DOCK3: variants seen among roughly 807,000 people sequenced by gnomAD.
DOCK3 encodes dedicator of cytokinesis 3.
In DOCK3, 60 loss-of-function variants were observed where a neutral mutation model predicts 265.6. The ratio of observed to expected loss-of-function variants is 0.23; its 90% CI spans 0.18 to 0.28. The LOEUF (loss-of-function observed/expected upper bound fraction) is 0.28, where lower values mean the gene tolerates loss of function less well. Among genes scored for constraint, DOCK3 ranks in the 10% least tolerant of loss-of-function variants. DOCK3 has a pLI of 1.00. For synonymous variants in DOCK3, 881 were observed against 938.0 expected, an observed-to-expected ratio of 0.94 and a Z score of 1.11; for missense variants, 1,981 against 2,594.3, an observed-to-expected ratio of 0.76 and a Z score of 5.14.
At chr3:50,913,572 G>C (rs1380275803) in intron 4 of DOCK3, among the ~76,000 whole-genome samples, 1 of 151,982 alleles carries the variant, frequency 6.6e-6, no homozygotes, top group Non-Finnish European at 1.5e-5. Flanking sequence ...GATTATTTAG[G>C]ACCCCAGAGC....
chr3:50,942,660 C>G (rs1363013596), intron 5 of DOCK3, among the ~76,000 whole-genome samples: 1 of 151,938 alleles, frequency 6.6e-6, no homozygotes, highest in Non-Finnish European at 1.5e-5. Context: ...TAACTGATTA[C>G]TCTAAAGTCA....
chr3:50,698,096 T>C (rs1327905270), intron 1 of DOCK3, among the ~76,000 whole-genome samples: 1 of 152,124 alleles, frequency 6.6e-6, no homozygotes, highest in Non-Finnish European at 1.5e-5. Flanking sequence ...ATTTGTAGAG[T>C]TGTGCCTCCA....
chr3:50,817,312 C>G (rs537829415), intron 2 of DOCK3, among the ~76,000 whole-genome samples: 1 of 152,278 alleles, frequency 6.6e-6, no homozygotes, highest in African/African-American at 2.4e-5. Context: ...AGGTTTTAGC[C>G]TTATTTTACC....
intron 5 of DOCK3, among the ~76,000 whole-genome samples, chr3:50,961,194 C>T (rs2076876218): frequency 6.6e-6 from 1 of 152,014 alleles, no homozygotes; most frequent in African/African-American, 2.4e-5. Flanking sequence ...TATTTTGGGT[C>T]CTTTACATTT....
chr3:50,739,663 A>G (rs2038886804), intron 1 of DOCK3, among the ~76,000 whole-genome samples: 2 of 152,116 alleles, frequency 1.3e-5, no homozygotes, highest in South Asian at 4.1e-4. Context: ...ACCCATTTAT[A>G]TGCATCTCCT....
At chr3:51,218,250 A>G (rs900138194) in intron 14 of DOCK3, among the ~76,000 whole-genome samples, 8 of 152,162 alleles carry the variant, frequency 5.3e-5, no homozygotes, top group Non-Finnish European at 1.0e-4. Flanking sequence ...CCTGGCCAAT[A>G]TGGTGAGACC....
intron 5 of DOCK3, among the ~76,000 whole-genome samples, chr3:51,017,374 C>G (rs2079391693): frequency 6.6e-6 from 1 of 151,078 alleles, no homozygotes; most frequent in Admixed American, 6.6e-5. Flanking sequence ...CTACTGTGAT[C>G]TTTATTATTT....
intron 9 of DOCK3, among the ~76,000 whole-genome samples, chr3:51,093,302 C>T (rs1184058350): frequency 6.6e-6 from 1 of 151,984 alleles, no homozygotes; most frequent in Non-Finnish European, 1.5e-5. Flanking sequence ...TGATTCTTCC[C>T]ATCCATGAGC....
intron 5 of DOCK3, among the ~76,000 whole-genome samples, chr3:50,994,068 T>C (rs1032779337): frequency 5.3e-5 from 8 of 152,162 alleles, no homozygotes; most frequent in Non-Finnish European, 7.4e-5. Flanking sequence ...ATACATCTGC[T>C]TCCGTAGCAT....
At chr3:51,297,799 T>G (rs2082174752) in intron 27 of DOCK3, among the ~76,000 whole-genome samples, 1 of 151,094 alleles carries the variant, frequency 6.6e-6, no homozygotes, top group Non-Finnish European at 1.5e-5. Context: ...TAATAATTTT[T>G]TTTTAATTAG....
intron 3 of DOCK3, among the ~76,000 whole-genome samples, chr3:50,851,546 T>C (rs2046359932): frequency 6.6e-6 from 1 of 152,168 alleles, no homozygotes. Context: ...ATGCCCCATA[T>C]GCCTGAATTT....
intron 5 of DOCK3, among the ~76,000 whole-genome samples, chr3:51,048,791 A>G (rs1181229770): frequency 6.6e-6 from 1 of 151,750 alleles, no homozygotes; most frequent in Non-Finnish European, 1.5e-5. Flanking sequence ...TGAACCCAGG[A>G]GGCAGAGCTT....
At chr3:51,123,025 C>G (rs1576158243) in intron 9 of DOCK3, among the ~76,000 whole-genome samples, 2 of 152,314 alleles carry the variant, frequency 1.3e-5, no homozygotes, top group African/African-American at 2.4e-5. Context: ...ATAACAGTCC[C>G]CATGCTGTCA....
At chr3:51,376,420 G>A (rs1576989364) in intron 51 of DOCK3, among the ~76,000 whole-genome samples, 1 of 152,190 alleles carries the variant, frequency 6.6e-6, no homozygotes, top group African/African-American at 2.4e-5. Context: ...GTGAGACTGA[G>A]CAATCCTCCT....
intron 1 of DOCK3, among the ~76,000 whole-genome samples, chr3:50,750,693 A>C (rs2039744228): frequency 6.6e-6 from 1 of 152,086 alleles, no homozygotes. Context: ...ATAATAGTTA[A>C]TTATCAGTTG....
chr3:51,266,992 C>G (rs1295940112), intron 23 of DOCK3, among the ~76,000 whole-genome samples: 1 of 151,802 alleles, frequency 6.6e-6, no homozygotes, highest in Non-Finnish European at 1.5e-5. Flanking sequence ...AAAAAACCAT[C>G]AAAAAGTGGG....
intron 4 of DOCK3, among the ~76,000 whole-genome samples, chr3:50,929,890 C>A (rs910319173): frequency 1.3e-5 from 2 of 152,204 alleles, no homozygotes; most frequent in African/African-American, 4.8e-5. Context: ...TAAGAGTCAA[C>A]AATAGCTACC....
At chr3:50,819,857 G>A (rs1461626380) in intron 2 of DOCK3, among the ~76,000 whole-genome samples, 1 of 152,192 alleles carries the variant, frequency 6.6e-6, no homozygotes, top group Non-Finnish European at 1.5e-5. Flanking sequence ...AGCTACTCAG[G>A]AGGCTGAGGC....
Position 51,236,326 on chromosome 3 carries a change from G to A in DOCK3, c.1918-19G>A. On this transcript the variant is annotated intron_variant, in intron 19 of 52. Coordinates refer to ENST00000266037, the MANE Select transcript of DOCK3 (RefSeq NM_004947.5). Reference sequence around the variant, plus strand: ...TAAGGTCCTGAGACCTGAGCCCTCTGCTTTTTATGTTGTTTTAGTTTCTGC... The same window carrying A: ...TAAGGTCCTGAGACCTGAGCCCTCTACTTTTTATGTTGTTTTAGTTTCTGC... 6.2e-7 allele frequency: 1 copy of A among 1,602,600 alleles called. No individual in the cohort carries two copies. Among genetic ancestry groups the A allele is most frequent in the Non-Finnish European group, 8.5e-7 (1 of 1,169,682 alleles).
Sources: allele counts gnomAD v4.1 joint callset (sites outside exome capture counted in the v4.1 genomes callset), GRCh38; gene constraint gnomAD v4.1.1; transcripts MANE v1.5; gene names NCBI Gene and HGNC (gene_info 2026-07-23, HGNC 2026-07-21).